The following SSU72 variants were observed in gnomAD, a reference collection of about 807,000 sequenced individuals.
The protein encoded by SSU72 is SSU72 homolog, RNA polymerase II CTD phosphatase.
SSU72 carries 12 observed loss-of-function variants against 22.7 expected under a neutral mutation model. The ratio of observed to expected loss-of-function variants is 0.53; its 90% confidence interval spans 0.34 to 0.86. SSU72 has a LOEUF of 0.86. Ranked by LOEUF, SSU72 falls within the 40% of genes least tolerant of loss-of-function variation. SSU72 has a pLI of 0.02. For synonymous variants in SSU72, 116 were observed against 98.3 expected (o/e 1.18, Z -1.06); for missense variants, 151 against 249.8 (o/e 0.60, Z 2.67).
At chr1:1,568,507 G>C (rs997824843) in intron 1 of SSU72, among the ~76,000 whole-genome samples, 1 of 152,156 alleles carries the variant, frequency 6.6e-6, no homozygotes, top group African/African-American at 2.4e-5. Context: ...CGGAGGCTGA[G>C]GCTGGAGAAT....
rs943383470 is a variant in SSU72 at position 1,574,390 on chromosome 1, G to A, written c.80+88C>T. The stretch of plus-strand genomic sequence containing the variant: ...CGGCCCGGCCCGGCTTCCTCTCAGG[G>A]GTCCTGGCGCGGGCCAGGGGGAACC... On this transcript the variant is annotated intron_variant, in intron 1 of 4. Coordinates refer to ENST00000291386, the MANE Select transcript of SSU72 (RefSeq NM_014188.3). 146 of 1,410,388 alleles carry A rather than the reference G, an allele frequency of 1.0e-4. 1 individual carries two copies. In the South Asian group the frequency reaches 1.4e-3, roughly 14 times the overall value. 87.4% of individuals were successfully genotyped at this position (1,410,388 alleles called of 1,614,324 possible).
rs1642488240 is a variant in SSU72, at chr1:1,554,121, GA to G, written c.225-9120del. Among the ~76,000 whole-genome samples, 1 of 152,240 alleles carries G rather than the reference GA, an allele frequency of 6.6e-6. No individual in the cohort carries two copies. The highest frequency in any genetic ancestry group is 2.4e-5 in the African/African-American group (1 of 41,478). ...GCTCCAGGGAGTGGAGCGGTTGTGA[GA>G]TTCACCATCAGCAAAAAGTGAAGCT... On this transcript the variant is annotated intron_variant, in intron 2 of 4. Transcript: ENST00000291386. This position sits in a 1 kb window ranked among gnomAD's most constrained non-coding sequence, Gnocchi z 4.1.
At chr1:1,562,712 C>T (rs1455154255) in intron 2 of SSU72, 2 of 152,372 alleles carry the variant, frequency 1.3e-5, no homozygotes, top group East Asian at 3.8e-4. Context: ...GGGAGGGCCT[C>T]CTTTCCAAGG....
chr1:1,569,481 G>C (rs552316783), intron 1 of SSU72, among the ~76,000 whole-genome samples: 3 of 152,216 alleles, frequency 2.0e-5, no homozygotes, highest in African/African-American at 7.2e-5. Context: ...TTTTCAATAG[G>C]GTGAAATTGT....
chr1:1,556,133 A>T (rs1354678428), intron 2 of SSU72, among the ~76,000 whole-genome samples: 1 of 152,026 alleles, frequency 6.6e-6, no homozygotes, highest in Non-Finnish European at 1.5e-5. Context: ...CCATCTCTAC[A>T]AAAAATACAC....
intron 2 of SSU72, chr1:1,562,788 A>G (rs1285030680): frequency 6.6e-6 from 1 of 152,292 alleles, no homozygotes; most frequent in African/African-American, 2.4e-5. Flanking sequence ...CGTGCCCCAC[A>G]CAGGGTGGAC....
At chr1:1,569,912 G>C (rs1354809477) in intron 1 of SSU72, among the ~76,000 whole-genome samples, 1 of 152,102 alleles carries the variant, frequency 6.6e-6, no homozygotes. Flanking sequence ...GCAGTTTTAT[G>C]TAGCCCTACC....
chr1:1,554,202 C>T lies in SSU72; in HGVS notation c.225-9200G>A, dbSNP rs112171265. On this transcript the variant is annotated intron_variant, in intron 2 of 4. Transcript: ENST00000291386. This position sits in a 1 kb window ranked among gnomAD's most constrained non-coding sequence, Gnocchi z 4.1. ...GGTCCCCACGAAGCTGAGCACGAGG[C>T]GGATCCGGACCACTAAGGGGTCCCC... 2.8e-4 allele frequency among the ~76,000 whole-genome samples: 39 copies of T among 141,694 alleles called. No individual in the cohort carries two copies. Among genetic ancestry groups the T allele is most frequent in the Admixed American group, 4.2e-4 (6 of 14,338 alleles). 93.0% of individuals were successfully genotyped at this position (141,694 alleles called of 152,430 possible).
intron 2 of SSU72, chr1:1,546,521 G>C (rs1371402440): frequency 6.6e-6 from 1 of 152,174 alleles, no homozygotes; most frequent in Non-Finnish European, 1.5e-5. Flanking sequence ...GGCCGGGTGC[G>C]GCGGCTCACG....
At position 1,564,921 on chromosome 1, in the gene SSU72, A is replaced by C; in HGVS notation, c.81-5T>G. On this transcript the variant is annotated splice_polypyrimidine_tract_variant and splice_region_variant and intron_variant, in intron 1 of 4. Coordinates refer to ENST00000291386, the MANE Select transcript of SSU72 (RefSeq NM_014188.3). ...CGGACGCTGAATCCCCGTTTGCTGA[A>C]AGACAAAAGGAGAGAAAGAATCACA... The C allele has an allele frequency of 6.3e-7, 1 of 1,591,398 alleles. No homozygotes were observed. The highest frequency in any genetic ancestry group is 8.6e-7 in the Non-Finnish European group (1 of 1,168,928).
At chr1:1,553,648 G>A (rs1469611957) in intron 2 of SSU72, among the ~76,000 whole-genome samples, 5 of 150,142 alleles carry the variant, frequency 3.3e-5, no homozygotes, top group South Asian at 2.1e-4. Context: ...AAAATTAGCC[G>A]GGCATGGTGG....
intron 2 of SSU72, among the ~76,000 whole-genome samples, chr1:1,558,284 C>T (rs1315348854): frequency 6.6e-6 from 1 of 152,014 alleles, no homozygotes; most frequent in African/African-American, 2.4e-5. Context: ...GGATCACCCA[C>T]CTGAGTCTGG....
intron 1 of SSU72, 60 bp downstream of exon 1, chr1:1,574,418 G>A (rs904047241): frequency 2.8e-5 from 42 of 1,523,984 alleles, no homozygotes; most frequent in Non-Finnish European, 3.5e-5. Context: ...GGGGAACCGG[G>A]GAGGAGGGAG....
chr1:1,550,403 A>C (rs552934718), intron 2 of SSU72, among the ~76,000 whole-genome samples: 1 of 152,346 alleles, frequency 6.6e-6, no homozygotes, highest in South Asian at 2.1e-4. Context: ...ATTTTAATTC[A>C]GGCAATTTTC....
At chr1:1,549,181 T>C (rs1642426769) in intron 2 of SSU72, among the ~76,000 whole-genome samples, 1 of 152,052 alleles carries the variant, frequency 6.6e-6, no homozygotes, top group Non-Finnish European at 1.5e-5. Flanking sequence ...AAGCTTTCTG[T>C]CCACACAGAG....
At chr1:1,545,136 G>T in intron 2 of SSU72, 134 bp from the exon 3 acceptor site, 1 of 1,065,870 alleles carries the variant, frequency 9.4e-7, no homozygotes, top group Non-Finnish European at 1.4e-6. Context: ...GGACAGCGGA[G>T]TGGGCCATGC....
chr1:1,568,502 G>A (rs1181203611), intron 1 of SSU72, among the ~76,000 whole-genome samples: 2 of 152,064 alleles, frequency 1.3e-5, no homozygotes, highest in South Asian at 2.1e-4. Flanking sequence ...TACTCCGGAG[G>A]CTGAGGCTGG....
At chr1:1,560,318 G>T (rs1435849753) in intron 2 of SSU72, among the ~76,000 whole-genome samples, 2 of 152,000 alleles carry the variant, frequency 1.3e-5, no homozygotes, top group East Asian at 3.9e-4. Context: ...CCACATCTGT[G>T]TGTTTTTTGT....
chr1:1,568,285 G>A (rs1421190622), intron 1 of SSU72, among the ~76,000 whole-genome samples: 1 of 152,184 alleles, frequency 6.6e-6, no homozygotes, highest in Non-Finnish European at 1.5e-5. Context: ...TATTTGTCTG[G>A]TATGCCAAAC....
Sources: gnomAD v4.1 joint callset for allele counts (sites outside exome capture counted in the v4.1 genomes callset) on GRCh38, gnomAD v4.1.1 for gene constraint, Gnocchi (gnomAD v3.1) non-coding constraint, MANE v1.5 for transcripts, NCBI Gene and HGNC (gene_info 2026-07-23, HGNC 2026-07-21) for gene names.